MARS1: variants seen among roughly 807,000 people sequenced by gnomAD.
The protein encoded by MARS1 is methionine--tRNA ligase, cytoplasmic.
A neutral mutation model predicts 119.5 loss-of-function variants in MARS1; 80 were observed. The observed-to-expected ratio is 0.67, with a 90% CI of 0.56 to 0.81. MARS1 has a LOEUF of 0.81. Ranked by LOEUF, MARS1 falls within the 30% of genes least tolerant of loss-of-function variation. The probability of loss-of-function intolerance (pLI) is 0.00; values close to 1 mark genes in which losing one functional copy is unlikely to be tolerated. For synonymous variants in MARS1, 418 were observed against 433.4 expected, an observed-to-expected ratio of 0.96 and a Z score of 0.44; for missense variants, 945 against 1,116.5, an observed-to-expected ratio of 0.85 and a Z score of 2.19.
At position 57,515,912 on chromosome 12, in the gene MARS1, T is replaced by G; in HGVS notation, c.2392-8T>G. The stretch of plus-strand genomic sequence containing the variant: ...TCAGTAGATGATTCTGGAACTCTTT[T>G]TTTACAGGTCAGTCCCTTGTTCCAA... On this transcript the variant is annotated splice_region_variant and splice_polypyrimidine_tract_variant and intron_variant, in intron 18 of 20. Transcript: ENST00000262027. 6.2e-7 allele frequency: 1 copy of G among 1,612,070 alleles called. No individual in the cohort carries two copies. Among genetic ancestry groups the G allele is most frequent in the Non-Finnish European group, 8.5e-7 (1 of 1,178,636 alleles).
rs776736371 is a variant in MARS1 at position 57,489,255 on chromosome 12, C to T, written c.201-12C>T. ...CTCTAAGTCCATCATCTGTTGCTCT[C>T]TCTCTGGGCAGATATTTTTTTTTGT... On this transcript the variant is annotated splice_polypyrimidine_tract_variant and intron_variant, in intron 2 of 20. Coordinates refer to ENST00000262027, the MANE Select transcript of MARS1 (RefSeq NM_004990.4). 2 of 1,613,476 alleles carry T rather than the reference C, an allele frequency of 1.2e-6. No individual in the cohort carries two copies. Among genetic ancestry groups the T allele is most frequent in the African/African-American group, 1.3e-5 (1 of 74,926 alleles).
At position 57,488,171 on chromosome 12, in the gene MARS1, G is replaced by C. The variant is rs1459114411; in HGVS notation, c.81G>C (p.Glu27Asp). 2 of 1,614,154 alleles carry C rather than the reference G, an allele frequency of 1.2e-6. No homozygotes were observed. Among genetic ancestry groups the C allele is most frequent in the East Asian group, 4.5e-5 (2 of 44,890 alleles). Residue 27 changes from glutamate to aspartate, a missense_variant, in exon 1 of 21, where the codon GAG becomes GAC. Physicochemically the swap from Glu to Asp is conservative, Grantham distance 45. Coordinates refer to ENST00000262027, the MANE Select transcript of MARS1 (RefSeq NM_004990.4). ...AAAGRARGRA[E>D]VLISTVGPED... ...CCGGGAGAGCCCGGGGCAGAGCAGAGGTGCTCATCAGCACTGTAGGCCCGG... is the reference window on the plus strand; with the variant it reads ...CCGGGAGAGCCCGGGGCAGAGCAGACGTGCTCATCAGCACTGTAGGCCCGG...
Position 57,504,272 on chromosome 12 carries a change from C to G in MARS1, c.1341C>G (p.Ser447Arg), listed in dbSNP as rs1409357708. The G allele has an allele frequency of 6.2e-7, 1 of 1,614,172 alleles. No individual in the cohort carries two copies. The highest frequency in any genetic ancestry group is 1.3e-5 in the African/African-American group (1 of 75,070). Residue 447 changes from serine to arginine, a missense_variant, in exon 11 of 21, where the codon AGC becomes AGG. Ser to Arg is a moderately radical substitution (Grantham distance 110). Coordinates refer to ENST00000262027, the MANE Select transcript of MARS1 (RefSeq NM_004990.4). ...VCRSCPVVQS[S>R]QHLFLDLPKL... ...GATCATGCCCTGTGGTGCAGTCGAG[C>G]CAGCACCTGTTTCTGGACCTGCCTA...
chr12:57,512,578 C>T, intron 14 of MARS1, 173 bp from the exon 15 acceptor site: 1 of 650,812 alleles, frequency 1.5e-6, no homozygotes, highest in South Asian at 2.0e-5. Context: ...AAAAAAGGGC[C>T]AGAATGGATA....
chr12:57,507,118 T>C (rs553802314), intron 11 of MARS1, among the ~76,000 whole-genome samples: 5 of 151,822 alleles, frequency 3.3e-5, no homozygotes, highest in African/African-American at 1.2e-4. Context: ...CCTTAATCCA[T>C]TTAACCCTGA....
At position 57,513,110 on chromosome 12, in the gene MARS1, G is replaced by A. The variant is rs544699163; in HGVS notation, c.1967+146G>A. On this transcript the variant is annotated intron_variant, in intron 15 of 20. Transcript: ENST00000262027. ...AGTTGATTTCTATTAATTGGGATCT[G>A]TTCCTAGCACATACTAGGCTATGTG... is the stretch of plus-strand genomic sequence containing the variant. 6.6e-5 allele frequency: 45 copies of A among 679,948 alleles called. No homozygotes were observed. In the Admixed American group the frequency reaches 9.2e-4, roughly 14 times the overall value. 42.1% of individuals were successfully genotyped at this position (679,948 alleles called of 1,614,324 possible).
At chr12:57,494,519 T>C (rs1338240747) in intron 7 of MARS1, among the ~76,000 whole-genome samples, 1 of 142,800 alleles carries the variant, frequency 7.0e-6, no homozygotes, top group African/African-American at 2.6e-5. Context: ...TTTTTTTTTT[T>C]AGTATTTATT....
intron 7 of MARS1, among the ~76,000 whole-genome samples, chr12:57,495,136 C>T (rs1020204479): frequency 8.7e-5 from 13 of 150,094 alleles, no homozygotes; most frequent in African/African-American, 2.9e-4. Context: ...GGCGGAGGCG[C>T]CCCCCACCTC....
At chr12:57,516,062 G>A in intron 19 of MARS1, 71 bp downstream of exon 19, 1 of 1,498,838 alleles carries the variant, frequency 6.7e-7, no homozygotes. Context: ...TCCCTAAGTA[G>A]TCCTCACCCA....
intron 7 of MARS1, among the ~76,000 whole-genome samples, chr12:57,495,119 G>A (rs1188672552): frequency 1.3e-5 from 2 of 150,840 alleles, no homozygotes; most frequent in Non-Finnish European, 3.0e-5. Flanking sequence ...GGGCTGGGTG[G>A]CGGCCAGGCG....
intron 6 of MARS1, 24 bp from the exon 7 acceptor site, chr12:57,490,514 A>C (rs1875853064): frequency 1.9e-6 from 3 of 1,613,118 alleles, no homozygotes; most frequent in Non-Finnish European, 2.5e-6. Flanking sequence ...TCACCTGGTA[A>C]GGGATTCTCT....
chr12:57,503,685 G>C (rs1877043589), intron 10 of MARS1, among the ~76,000 whole-genome samples: 1 of 152,000 alleles, frequency 6.6e-6, no homozygotes, highest in Non-Finnish European at 1.5e-5. Flanking sequence ...GGGACTACAG[G>C]TGCACGCCAC....
intron 7 of MARS1, among the ~76,000 whole-genome samples, chr12:57,493,512 TAA>T (rs1195639539): frequency 7.8e-5 from 1 of 12,882 alleles, no homozygotes; most frequent in African/African-American, 2.6e-4. Flanking sequence ...ATATAATATA[TAA>T]TATATAATAT....
In MARS1 at chr12:57,512,369, G is replaced by T. The variant is rs767925007; in HGVS notation, c.1753+16G>T. The T allele has an allele frequency of 6.4e-7, 1 of 1,555,640 alleles. No homozygotes were observed. Among genetic ancestry groups the T allele is most frequent in the Non-Finnish European group, 8.9e-7 (1 of 1,127,016 alleles). On this transcript the variant is annotated intron_variant, in intron 14 of 20. Transcript: ENST00000262027. ...ATTGCTACAGGTAAGTACCCTGGAA[G>T]ACTACTGATGGGGTGTTCATAGGAA...
intron 15 of MARS1, among the ~76,000 whole-genome samples, chr12:57,514,475 T>C (rs1451607230): frequency 6.6e-6 from 1 of 152,064 alleles, no homozygotes; most frequent in East Asian, 1.9e-4. Flanking sequence ...AATGACTTCT[T>C]AAAAATAAGA....
At position 57,504,302 on chromosome 12, in the gene MARS1, A is replaced by T. The variant is rs1205318968; in HGVS notation, c.1368+3A>T. The T allele has an allele frequency of 2.5e-6, 4 of 1,613,782 alleles. No homozygotes were observed. Among genetic ancestry groups the T allele is most frequent in the Non-Finnish European group, 3.4e-6 (4 of 1,179,724 alleles). On this transcript the variant is annotated splice_donor_region_variant and intron_variant, in intron 11 of 20. Coordinates refer to ENST00000262027, the MANE Select transcript of MARS1 (RefSeq NM_004990.4). ...ACCTGTTTCTGGACCTGCCTAAGGT[A>T]AGTGAGCTTTTCTCTCAACCTAGTT...
chr12:57,490,030 G>A, intron 5 of MARS1, 59 bp downstream of exon 5: 2 of 1,524,448 alleles, frequency 1.3e-6, no homozygotes, highest in Non-Finnish European at 1.8e-6. Context: ...TACAGAATGG[G>A]CAGTAGAATA....
At chr12:57,505,797 G>T (rs901564471) in intron 11 of MARS1, among the ~76,000 whole-genome samples, 1 of 151,880 alleles carries the variant, frequency 6.6e-6, no homozygotes, top group African/African-American at 2.4e-5. Flanking sequence ...GGGCAACAGA[G>T]TGAGACTCTA....
chr12:57,500,801 C>T (rs1876883348), intron 10 of MARS1, among the ~76,000 whole-genome samples: 1 of 152,202 alleles, frequency 6.6e-6, no homozygotes. Flanking sequence ...TGTTTAGATC[C>T]TTCTCTCTTC....
Sources: allele counts gnomAD v4.1 joint callset (sites outside exome capture counted in the v4.1 genomes callset), GRCh38; gene constraint gnomAD v4.1.1; transcripts MANE v1.5; gene names NCBI Gene and HGNC (gene_info 2026-07-23, HGNC 2026-07-21).